ENPP3: variants seen among roughly 807,000 people sequenced by gnomAD.
The protein encoded by ENPP3 is ectonucleotide pyrophosphatase/phosphodiesterase family member 3.
In ENPP3, 104 loss-of-function variants were observed where a neutral mutation model predicts 117.8. The ratio of observed to expected loss-of-function variants is 0.88; its 90% CI spans 0.75 to 1.04. ENPP3 has a LOEUF of 1.04. Among genes scored for constraint, ENPP3 ranks in the 50% least tolerant of loss-of-function variants. The pLI is 0.00. For missense variants in ENPP3, 1,026 were observed against 1,051.9 expected, an observed-to-expected ratio of 0.98 and a Z score of 0.34; for synonymous variants, 380 against 349.9, an observed-to-expected ratio of 1.09 and a Z score of -0.96.
intron 5 of ENPP3, among the ~76,000 whole-genome samples, chr6:131,655,099 C>T (rs142652598): frequency 6.6e-6 from 1 of 152,276 alleles, no homozygotes; most frequent in East Asian, 1.9e-4. Flanking sequence ...ATAGTAGGTA[C>T]TCAAGAAATC....
chr6:131,679,033 CTT>C lies in ENPP3; in HGVS notation c.1011+1095_1011+1096del, dbSNP rs746485589. Among the ~76,000 whole-genome samples the C allele has an allele frequency of 4.6e-4, 46 of 99,414 alleles. 1 individual carries two copies. The highest frequency in any genetic ancestry group is 2.2e-3 in the African/African-American group (43 of 19,858). The allele number at this position is 99,414 out of a possible 152,430, so 65.2% of individuals were successfully genotyped here. ...TCCTTCCTTCCTTCCTTCCTTCTTT[CTT>C]TCTTTCTTTCTTTCTTTCTTTCTTT... On this transcript the variant is annotated intron_variant, in intron 11 of 24. Coordinates refer to ENST00000357639, the MANE Select transcript of ENPP3 (RefSeq NM_005021.5).
chr6:131,660,651 G>A lies in ENPP3; in HGVS notation c.562+2231G>A, dbSNP rs377706779. On this transcript the variant is annotated intron_variant, in intron 6 of 24. Transcript: ENST00000357639. ...TGCAGAGTTTTAGAGATTAGAGTTT[G>A]CAAGGTTGGCATTCATGAACAGCAG... is the stretch of plus-strand genomic sequence containing the variant. 4.6e-5 allele frequency among the ~76,000 whole-genome samples: 7 copies of A among 152,194 alleles called. No homozygotes were observed. The East Asian group carries it at 7.7e-4, about 17-fold the overall frequency.
At chr6:131,684,972 G>A (rs1779120351) in intron 12 of ENPP3, among the ~76,000 whole-genome samples, 1 of 152,014 alleles carries the variant, frequency 6.6e-6, no homozygotes, top group Non-Finnish European at 1.5e-5. Flanking sequence ...TTTTGGTAGG[G>A]ATGGGGTTTA....
Position 131,637,432 on chromosome 6 carries a change from C to T in ENPP3, c.48C>T (p.Asn16=), listed in dbSNP as rs1238297182. 2 of 1,590,936 alleles carry T rather than the reference C, an allele frequency of 1.3e-6. No individual in the cohort carries two copies. The highest frequency in any genetic ancestry group is 1.3e-5 in the African/African-American group (1 of 74,110). ...CAACGGAACAACCTGTTAAGAAGAA[C>T]ACTCTTAAGAAATATAAAATAGCTT... ...TLATEQPVKK[N]TLKKYKIACI... is the part of the protein sequence containing the mutation. The change falls in exon 1 of 25, where the codon AAC becomes AAT. Residue 16 remains asparagine (N), a synonymous_variant. Transcript: ENST00000357639.
rs367662326 is a variant in ENPP3, at chr6:131,723,827, T to TCTCTCACACA, written c.1747-212_1747-211insTCTCACACAC. ...TTCTCTCTCTCTCTCTCTCTCTCTC[T>TCTCTCACACA]CACACACACACACACACACACACAC... On this transcript the variant is annotated intron_variant, in intron 18 of 24. Transcript: ENST00000357639. Among the ~76,000 whole-genome samples, 562 of 145,916 alleles carry TCTCTCACACA rather than the reference T, an allele frequency of 3.9e-3. 2 individuals carry two copies. The highest frequency in any genetic ancestry group is 0.011 in the African/African-American group (440 of 38,552).
intron 21 of ENPP3, 34 bp from the exon 22 acceptor site, chr6:131,737,321 T>G: frequency 7.3e-7 from 1 of 1,362,008 alleles, no homozygotes; most frequent in Non-Finnish European, 1.0e-6. Flanking sequence ...TTTTCTCTTA[T>G]AGCTAGATCT....
intron 14 of ENPP3, among the ~76,000 whole-genome samples, chr6:131,688,849 C>T (rs1054575480): frequency 1.8e-4 from 26 of 142,106 alleles, no homozygotes; most frequent in South Asian, 6.6e-4. Context: ...GTCAGGAGAT[C>T]GAAACCAGCC....
chr6:131,746,710 C>T (rs1440285266), intron 24 of ENPP3, 76 bp from the exon 25 acceptor site: 5 of 1,333,046 alleles, frequency 3.8e-6, no homozygotes, highest in Non-Finnish European at 4.2e-6. Flanking sequence ...AAGACAACTT[C>T]TAAGCAATAA....
chr6:131,743,120 G>A (rs1206529117), intron 24 of ENPP3, among the ~76,000 whole-genome samples: 1 of 152,084 alleles, frequency 6.6e-6, no homozygotes, highest in African/African-American at 2.4e-5. Flanking sequence ...TAGATATGGG[G>A]AAGGGAAAGG....
intron 15 of ENPP3, among the ~76,000 whole-genome samples, chr6:131,705,520 T>A (rs1779621096): frequency 6.6e-6 from 1 of 152,052 alleles, no homozygotes; most frequent in Non-Finnish European, 1.5e-5. Flanking sequence ...GACTCACTTC[T>A]TAATTTAAGG....
chr6:131,730,549 G>A (rs1243126867), intron 20 of ENPP3, among the ~76,000 whole-genome samples: 1 of 152,144 alleles, frequency 6.6e-6, no homozygotes, highest in Non-Finnish European at 1.5e-5. Flanking sequence ...GTCTCAACAT[G>A]TTTTTACTCT....
intron 21 of ENPP3, 112 bp downstream of exon 21, chr6:131,733,835 G>A: frequency 8.7e-7 from 1 of 1,145,652 alleles, no homozygotes; most frequent in South Asian, 1.5e-5. Context: ...GGGTAAGCTA[G>A]CTGCCTGAGA....
chr6:131,654,773 C>A (rs1778348968), intron 5 of ENPP3, among the ~76,000 whole-genome samples: 1 of 152,144 alleles, frequency 6.6e-6, no homozygotes, highest in South Asian at 2.1e-4. Flanking sequence ...AGTGTTATTT[C>A]ATTTTAAAAA....
chr6:131,728,623 A>T (rs1780206987), intron 20 of ENPP3, among the ~76,000 whole-genome samples: 1 of 152,204 alleles, frequency 6.6e-6, no homozygotes, highest in Non-Finnish European at 1.5e-5. Context: ...TTTGGGATTC[A>T]CATAAAAATG....
Position 131,674,805 on chromosome 6 carries a change from C to T in ENPP3, c.763-275C>T, listed in dbSNP as rs561663821. On this transcript the variant is annotated intron_variant, in intron 8 of 24. Transcript: ENST00000357639. ...CGGGATGATCTCTATCTCCTGACCTCGTGATCCTCCTGCCTCGGCCTCCCA... is the reference window on the plus strand; with the variant it reads ...CGGGATGATCTCTATCTCCTGACCTTGTGATCCTCCTGCCTCGGCCTCCCA... Among the ~76,000 whole-genome samples the T allele has an allele frequency of 5.9e-5, 9 of 151,998 alleles. No homozygotes were observed. The East Asian group carries it at 1.2e-3, about 20-fold the overall frequency.
intron 6 of ENPP3, among the ~76,000 whole-genome samples, chr6:131,661,506 G>A (rs1203545865): frequency 6.6e-6 from 1 of 151,872 alleles, no homozygotes; most frequent in African/African-American, 2.4e-5. Context: ...TGCCCAGGCT[G>A]GCCTCAAACT....
intron 15 of ENPP3, among the ~76,000 whole-genome samples, chr6:131,698,336 C>T (rs551204131): frequency 3.4e-4 from 47 of 137,940 alleles, no homozygotes; most frequent in Non-Finnish European, 5.3e-4. Flanking sequence ...AAAGAATCCT[C>T]TCCAAGGCAG....
intron 16 of ENPP3, among the ~76,000 whole-genome samples, chr6:131,719,898 G>A (rs1038631489): frequency 2.6e-5 from 4 of 151,992 alleles, no homozygotes; most frequent in East Asian, 1.9e-4. Context: ...TAACATATTC[G>A]ATTAACATAT....
intron 15 of ENPP3, among the ~76,000 whole-genome samples, chr6:131,718,258 C>T (rs1382315203): frequency 1.3e-5 from 2 of 152,144 alleles, no homozygotes; most frequent in South Asian, 2.1e-4. Flanking sequence ...GCTAAAATAA[C>T]ATATTAACCA....
Sources: allele counts gnomAD v4.1 joint callset (sites outside exome capture counted in the v4.1 genomes callset), GRCh38; gene constraint gnomAD v4.1.1; transcripts MANE v1.5; gene names NCBI Gene and HGNC (gene_info 2026-07-23, HGNC 2026-07-21).